STK3: variants seen among roughly 807,000 people sequenced by gnomAD.
STK3 encodes serine/threonine-protein kinase 3.
Under a neutral mutation model 58.0 loss-of-function variants are expected in STK3, and 41 were observed. That is an observed-to-expected ratio of 0.71 (90% confidence interval 0.55 to 0.92). The LOEUF (loss-of-function observed/expected upper bound fraction) is 0.92. STK3 is among the 40% of genes least tolerant of loss of function. The pLI is 0.00. For synonymous variants in STK3, 170 were observed against 191.0 expected (o/e 0.89, Z 0.91); for missense variants, 479 against 602.7 (o/e 0.79, Z 2.15).
At chr8:98,348,460 T>G in the STK3 span, among the ~76,000 whole-genome samples, 4 of 152,142 alleles carry the variant, frequency 2.6e-5, no homozygotes, top group Admixed American at 2.6e-4. Context: ...GCAAAAGACA[T>G]TGTCAAGAGA....
chr8:98,524,525 A>C (rs1456884963), intron 10 of STK3, among the ~76,000 whole-genome samples: 1 of 152,172 alleles, frequency 6.6e-6, no homozygotes, highest in Non-Finnish European at 1.5e-5. Context: ...TCTTTCACCC[A>C]TATTTTTGCA....
At chr8:98,603,899 C>T (rs181915876) in intron 6 of STK3, among the ~76,000 whole-genome samples, 11 of 152,268 alleles carry the variant, frequency 7.2e-5, no homozygotes, top group Admixed American at 3.9e-4. Context: ...GAATATGTTA[C>T]TTTACATGGC....
intron 1 of STK3, among the ~76,000 whole-genome samples, chr8:98,809,276 G>C (rs531673529): frequency 3.9e-5 from 6 of 152,322 alleles, no homozygotes; most frequent in African/African-American, 1.4e-4. Flanking sequence ...CCTGGGGCTT[G>C]CAACTGGCAT....
intron 1 of STK3, among the ~76,000 whole-genome samples, chr8:98,893,573 G>A (rs1433049068): frequency 6.8e-6 from 1 of 147,646 alleles, no homozygotes; most frequent in Non-Finnish European, 1.5e-5. Flanking sequence ...AGGGAGGGAG[G>A]AAAGAAAGGA....
intron 10 of STK3, among the ~76,000 whole-genome samples, chr8:98,488,533 T>C (rs1822446584): frequency 6.6e-6 from 1 of 152,206 alleles, no homozygotes; most frequent in Non-Finnish European, 1.5e-5. Flanking sequence ...CTTCTAATGT[T>C]ATAAGCCAAT....
chr8:98,837,247 G>A (rs1304362495), intron 3 of STK3, among the ~76,000 whole-genome samples: 2 of 150,792 alleles, frequency 1.3e-5, no homozygotes, highest in Non-Finnish European at 2.9e-5. Flanking sequence ...AAGATATAGA[G>A]TATATATTCA....
chr8:98,463,543 G>A (rs1377407477), intron 10 of STK3, among the ~76,000 whole-genome samples: 1 of 151,996 alleles, frequency 6.6e-6, no homozygotes, highest in Non-Finnish European at 1.5e-5. Context: ...TTAATAATTA[G>A]AATTATTTCT....
intron 1 of STK3, among the ~76,000 whole-genome samples, chr8:98,888,135 A>G (rs910241637): frequency 5.3e-5 from 8 of 152,144 alleles, no homozygotes; most frequent in Non-Finnish European, 1.0e-4. Context: ...CCTGGCCAAC[A>G]TGGTGAAACC....
chr8:98,731,743 T>G (rs951836685), intron 4 of STK3, among the ~76,000 whole-genome samples: 3 of 145,758 alleles, frequency 2.1e-5, no homozygotes, highest in Non-Finnish European at 4.5e-5. Context: ...AAAAAAAAAA[T>G]TCAATAAAAA....
chr8:98,594,231 C>T (rs1271492740), intron 7 of STK3, among the ~76,000 whole-genome samples: 1 of 151,976 alleles, frequency 6.6e-6, no homozygotes, highest in Non-Finnish European at 1.5e-5. Context: ...AGGTGGAGCC[C>T]AGGAGGTAGA....
intron 4 of STK3, among the ~76,000 whole-genome samples, chr8:98,708,861 T>A (rs1210854052): frequency 3.3e-5 from 5 of 151,864 alleles, no homozygotes; most frequent in Non-Finnish European, 5.9e-5. Flanking sequence ...TTGTCATTCA[T>A]AATAAGCTCC....
chr8:98,385,450 A>G (rs1050979250), intron 1 of STK3, among the ~76,000 whole-genome samples: 3 of 152,154 alleles, frequency 2.0e-5, no homozygotes, highest in Non-Finnish European at 4.4e-5. Flanking sequence ...CCTTAAGTTC[A>G]CGAGAAAGGC....
At chr8:98,370,269 A>C (rs770409832), downstream of STK3, among the ~76,000 whole-genome samples, 18 of 150,560 alleles carry the variant, frequency 1.2e-4, no homozygotes, top group Non-Finnish European at 2.2e-4. Context: ...TGGACCAGGA[A>C]CTTTCATTCT....
intron 8 of STK3, among the ~76,000 whole-genome samples, chr8:98,549,151 T>C (rs1328632422): frequency 1.3e-5 from 2 of 152,176 alleles, no homozygotes; most frequent in African/African-American, 2.4e-5. Context: ...GATCACATGG[T>C]AACTTCATAT....
At chr8:98,429,319 A>G (rs2131070192) in intron 3 of STK3, 2 of 1,614,152 alleles carry the variant, frequency 1.2e-6, no homozygotes, top group Non-Finnish European at 1.7e-6. Context: ...TTAAGGGACT[A>G]TTATGCCCAT....
At chr8:98,929,327 T>TCA in intron 1 of STK3, among the ~76,000 whole-genome samples, 1 of 150,250 alleles carries the variant, frequency 6.7e-6, no homozygotes, top group Non-Finnish European at 1.5e-5. Flanking sequence ...ATGCCAAGAG[T>TCA]CACACAGCTG....
intron 6 of STK3, among the ~76,000 whole-genome samples, chr8:98,621,630 AT>A (rs929840996): frequency 1.8e-4 from 28 of 151,486 alleles, no homozygotes; most frequent in Admixed American, 5.9e-4. Flanking sequence ...ATTGCATCAA[AT>A]TTTTTTTTCT....
intron 1 of STK3, among the ~76,000 whole-genome samples, chr8:98,442,319 C>T (rs531959195): frequency 7.2e-5 from 11 of 152,348 alleles, no homozygotes; most frequent in African/African-American, 2.2e-4. Flanking sequence ...TCTCAGCACT[C>T]GGAACTTACA....
chr8:98,426,496 G>C (rs57063021), intron 3 of STK3, among the ~76,000 whole-genome samples: 1 of 151,690 alleles, frequency 6.6e-6, no homozygotes, highest in African/African-American at 2.4e-5. Context: ...CGCCCCCGCC[G>C]TGCGGCCTGC....
Sources: gnomAD v4.1 joint callset for allele counts (sites outside exome capture counted in the v4.1 genomes callset) on GRCh38, gnomAD v4.1.1 for gene constraint, MANE v1.5 for transcripts, NCBI Gene and HGNC (gene_info 2026-07-23, HGNC 2026-07-21) for gene names.